Variants in SIL1 observed in about 807,000 individuals in gnomAD.
SIL1 encodes SIL1 nucleotide exchange factor.
A neutral mutation model predicts 49.1 loss-of-function variants in SIL1; 40 were observed. That is an observed-to-expected ratio of 0.81 (90% CI 0.63 to 1.06). The LOEUF (loss-of-function observed/expected upper bound fraction) is 1.06, where lower values mean the gene tolerates loss of function less well. SIL1 is among the 50% of genes least tolerant of loss of function. The probability of loss-of-function intolerance (pLI) is 0.00; values close to 1 mark genes in which losing one functional copy is unlikely to be tolerated. For missense variants in SIL1, 500 were observed against 572.6 expected, an observed-to-expected ratio of 0.87 and a Z score of 1.29; for synonymous variants, 253 against 250.8, an observed-to-expected ratio of 1.01 and a Z score of -0.08.
At chr5:139,073,738 T>C (rs1296188643) in intron 3 of SIL1, among the ~76,000 whole-genome samples, 1 of 151,834 alleles carries the variant, frequency 6.6e-6, no homozygotes, top group East Asian at 1.9e-4. Flanking sequence ...GGTCAGGAGT[T>C]TGAGACCAGC....
intron 1 of SIL1, among the ~76,000 whole-genome samples, chr5:139,130,882 A>G (rs1244651704): frequency 1.3e-5 from 2 of 152,244 alleles, no homozygotes; most frequent in African/African-American, 4.8e-5. Flanking sequence ...AAGCTCAGAT[A>G]TTGTATGATT....
intron 2 of SIL1, among the ~76,000 whole-genome samples, chr5:139,124,700 C>T (rs1245688864): frequency 6.6e-6 from 1 of 152,190 alleles, no homozygotes; most frequent in Non-Finnish European, 1.5e-5. Flanking sequence ...GAAAAAGCAG[C>T]ATCAAGAGGA....
intron 3 of SIL1, among the ~76,000 whole-genome samples, chr5:139,074,290 C>T (rs2151767085): frequency 6.6e-6 from 1 of 152,330 alleles, no homozygotes; most frequent in East Asian, 1.9e-4. Context: ...CTCCTGGGTT[C>T]AAGCAATCCT....
intron 7 of SIL1, among the ~76,000 whole-genome samples, chr5:138,972,586 T>C (rs1767302674): frequency 6.6e-6 from 1 of 152,178 alleles, no homozygotes; most frequent in African/African-American, 2.4e-5. Flanking sequence ...CCTGCCCTTC[T>C]TCAGCACAGG....
At chr5:139,122,355 G>T (rs1460924508) in intron 2 of SIL1, among the ~76,000 whole-genome samples, 1 of 152,082 alleles carries the variant, frequency 6.6e-6, no homozygotes, top group Non-Finnish European at 1.5e-5. Flanking sequence ...CACTTTGAGA[G>T]GCCAAGGCAG....
chr5:138,981,078 AC>A (rs1767507645), intron 7 of SIL1, among the ~76,000 whole-genome samples: 1 of 151,944 alleles, frequency 6.6e-6, no homozygotes, highest in South Asian at 2.1e-4. Context: ...GGTGGCGCAT[AC>A]TTGTAATCCC....
At chr5:139,154,126 T>C (rs1751360415) in intron 1 of SIL1, among the ~76,000 whole-genome samples, 1 of 152,238 alleles carries the variant, frequency 6.6e-6, no homozygotes. Context: ...CTCTCTCAAC[T>C]GTCTTGGATG....
intron 1 of SIL1, among the ~76,000 whole-genome samples, chr5:139,153,664 G>A (rs1371291614): frequency 6.6e-6 from 1 of 152,160 alleles, no homozygotes; most frequent in Non-Finnish European, 1.5e-5. Context: ...TCAGCTATCT[G>A]TTGCAGCATT....
At chr5:139,103,370 C>T (rs1401063548) in intron 3 of SIL1, among the ~76,000 whole-genome samples, 2 of 152,206 alleles carry the variant, frequency 1.3e-5, no homozygotes, top group South Asian at 2.1e-4. Context: ...TCTTGCCTTT[C>T]GGCTAGTACA....
intron 1 of SIL1, among the ~76,000 whole-genome samples, chr5:139,179,563 G>A (rs1187279297): frequency 2.0e-5 from 3 of 152,070 alleles, no homozygotes; most frequent in African/African-American, 7.2e-5. Context: ...TCTTATGTAG[G>A]GTAGGCAGGT....
rs548536385 is a variant in SIL1 at position 139,002,219 on chromosome 5, A to G, written c.767+18952T>C. Among the ~76,000 whole-genome samples, 4 of 152,250 alleles carry G rather than the reference A, an allele frequency of 2.6e-5. No individual in the cohort carries two copies. In the South Asian group the frequency reaches 8.3e-4, roughly 32 times the overall value. On this transcript the variant is annotated intron_variant, in intron 7 of 9. Transcript: ENST00000394817. ...AAGTGAGAACCTGTCTCAAAAAAAA[A>G]AAAAATAGATATGATACACACCAAA...
At chr5:139,099,324 T>C (rs1770536628) in intron 3 of SIL1, among the ~76,000 whole-genome samples, 1 of 152,146 alleles carries the variant, frequency 6.6e-6, no homozygotes, top group African/African-American at 2.4e-5. Flanking sequence ...TCATACACTG[T>C]TGGTGGGAAT....
At chr5:139,165,800 G>A (rs933933618) in intron 1 of SIL1, among the ~76,000 whole-genome samples, 2 of 151,840 alleles carry the variant, frequency 1.3e-5, no homozygotes, top group Non-Finnish European at 2.9e-5. Context: ...TGGGGCTACA[G>A]GTACATGCCC....
rs1767430027 is a variant in SIL1 at position 138,978,053 on chromosome 5, T to C, written c.768-26169A>G. ...ATTTTCTTCATAACACGTTACTGAC[T>C]TAAAAATGCTTTATTGAGGTAAAAT... is the stretch of plus-strand genomic sequence containing the variant. On this transcript the variant is annotated intron_variant, in intron 7 of 9. Transcript: ENST00000394817. Among the ~76,000 whole-genome samples, 3 of 152,260 alleles carry C rather than the reference T, an allele frequency of 2.0e-5. No individual in the cohort carries two copies. The South Asian group carries it at 6.2e-4, about 31-fold the overall frequency.
At chr5:139,101,669 C>T (rs1377411914) in intron 3 of SIL1, among the ~76,000 whole-genome samples, 1 of 152,198 alleles carries the variant, frequency 6.6e-6, no homozygotes, top group Non-Finnish European at 1.5e-5. Flanking sequence ...AGTCACCATG[C>T]TCCCTGAGAG....
intron 1 of SIL1, among the ~76,000 whole-genome samples, chr5:139,149,229 G>GTC (rs1325072481): frequency 6.6e-6 from 1 of 152,272 alleles, no homozygotes; most frequent in East Asian, 1.9e-4. Flanking sequence ...GCAGTTAACA[G>GTC]TCACGCCAAT....
intron 7 of SIL1, among the ~76,000 whole-genome samples, chr5:138,981,059 G>A (rs1767506924): frequency 6.6e-6 from 1 of 151,980 alleles, no homozygotes; most frequent in Admixed American, 6.6e-5. Flanking sequence ...ACAAAAATTT[G>A]CTGGCTCTGG....
chr5:139,080,944 T>C (rs1770059393), intron 3 of SIL1, among the ~76,000 whole-genome samples: 1 of 152,264 alleles, frequency 6.6e-6, no homozygotes, highest in South Asian at 2.1e-4. Flanking sequence ...TTTCAATTTA[T>C]ATTTAAGCAG....
chr5:139,115,084 C>T (rs774163435), intron 3 of SIL1, among the ~76,000 whole-genome samples: 1 of 151,852 alleles, frequency 6.6e-6, no homozygotes, highest in African/African-American at 2.4e-5. Context: ...AGATTATACT[C>T]TTGGGGACCA....
Sources: gnomAD v4.1 joint callset for allele counts (sites outside exome capture counted in the v4.1 genomes callset) on GRCh38, gnomAD v4.1.1 for gene constraint, MANE v1.5 for transcripts, NCBI Gene and HGNC (gene_info 2026-07-23, HGNC 2026-07-21) for gene names.